Variants in NPHP4 observed in about 807,000 individuals in gnomAD.
NPHP4 encodes the protein nephrocystin-4.
NPHP4 carries 151 observed loss-of-function variants against 155.8 expected under a neutral mutation model. The observed-to-expected ratio is 0.97, with a 90% CI of 0.85 to 1.11. NPHP4 has a LOEUF of 1.11. Among genes scored for constraint, NPHP4 ranks in the 50% least tolerant of loss-of-function variants. The pLI is 0.00. For synonymous variants in NPHP4, 845 were observed against 816.8 expected, an observed-to-expected ratio of 1.03 and a Z score of -0.59; for missense variants, 1,956 against 1,925.7, an observed-to-expected ratio of 1.02 and a Z score of -0.29.
chr1:5,921,317 C>T (rs2101586616), intron 11 of NPHP4, among the ~76,000 whole-genome samples: 1 of 152,352 alleles, frequency 6.6e-6, no homozygotes, highest in Middle Eastern at 3.4e-3. Flanking sequence ...CCGCCCATGT[C>T]TCCTTATACA....
chr1:5,875,208 A>G, intron 20 of NPHP4, 108 bp from the exon 21 acceptor site: 1 of 866,228 alleles, frequency 1.2e-6, no homozygotes, highest in Non-Finnish European at 1.8e-6. Context: ...ACATTTCTCC[A>G]CAAGCATCGC....
intron 1 of NPHP4, among the ~76,000 whole-genome samples, chr1:5,986,676 G>T (rs550496715): frequency 6.6e-6 from 1 of 152,098 alleles, no homozygotes; most frequent in South Asian, 2.1e-4. Context: ...TGTCAACTTT[G>T]AACTATGCGA....
chr1:5,887,610 C>T (rs931021232), intron 17 of NPHP4, 144 bp from the exon 18 acceptor site: 3 of 792,444 alleles, frequency 3.8e-6, no homozygotes, highest in Admixed American at 2.8e-5. Context: ...CCCTGCACCA[C>T]GCTGGGGGGT....
chr1:5,876,278 A>G (rs1642597016), intron 20 of NPHP4: 1 of 152,232 alleles, frequency 6.6e-6, no homozygotes, highest in Admixed American at 6.6e-5. Flanking sequence ...GAGGCCTGGG[A>G]GGAGGCCCCA....
rs1399214119 is a variant in NPHP4, at chr1:5,907,210, G to A, written c.1516C>T (p.Gln506Ter). 6.3e-7 allele frequency: 1 copy of A among 1,578,658 alleles called. No individual in the cohort carries two copies. Among genetic ancestry groups the A allele is most frequent in the Non-Finnish European group, 8.6e-7 (1 of 1,161,394 alleles). ...SPVGPGLSISQLAASPRSPTQ... is the reference protein window; with the variant it reads ...SPVGPGLSIS ...GGGGACCGCGGGGAGGCCGCCAGCT[G>A]GGAAATTGACAACTGGAAGGAAAGA... The change falls in exon 13 of 30, where the codon CAG (glutamine) becomes TAG (stop). Residue 506 changes from glutamine (Q) to a stop codon, truncating the protein, a stop_gained. Transcript: ENST00000378156. LOFTEE classifies it high-confidence loss of function.
rs1329176210 is a variant in NPHP4 at position 5,909,136 on chromosome 1, G to A, written c.1503+16C>T. On this transcript the variant is annotated intron_variant, in intron 12 of 29. Transcript: ENST00000378156. The stretch of plus-strand genomic sequence containing the variant: ...CTCTGGAATTCTGAAGGAGGCCGTG[G>A]GGGGCCTGGACTTACCCCTGGTCCC... 1.9e-6 allele frequency: 3 copies of A among 1,582,776 alleles called. No homozygotes were observed. Among genetic ancestry groups the A allele is most frequent in the Non-Finnish European group, 2.6e-6 (3 of 1,161,644 alleles).
intron 11 of NPHP4, among the ~76,000 whole-genome samples, chr1:5,920,269 C>T (rs1645676066): frequency 6.6e-6 from 1 of 152,144 alleles, no homozygotes; most frequent in African/African-American, 2.4e-5. Flanking sequence ...CTATGTTACC[C>T]AGGCTGATCT....
At chr1:5,948,022 G>A (rs755888879) in intron 8 of NPHP4, 48 bp downstream of exon 8, 1 of 1,433,810 alleles carries the variant, frequency 7.0e-7, no homozygotes, top group Non-Finnish European at 9.8e-7. Flanking sequence ...ATTTCATCGT[G>A]ATCCCTTGCA....
Position 5,909,201 on chromosome 1 carries a change from G to C in NPHP4, c.1454C>G (p.Pro485Arg). 1 of 1,602,986 alleles carries C rather than the reference G, an allele frequency of 6.2e-7. No individual in the cohort carries two copies. Among genetic ancestry groups the C allele is most frequent in the Non-Finnish European group, 8.5e-7 (1 of 1,175,178 alleles). ...CGGGGCAGCGAGAACTCGAGGTACT[G>C]GCGCTGGCGGGCCTGGGAGGAAGCA... ...PPTSPSSPPA[P>R]VPRVLAAPQN... Residue 485 changes from proline (P) to arginine (R), a missense_variant, in exon 12 of 30, where the codon CCA becomes CGA. Coordinates refer to ENST00000378156, the MANE Select transcript of NPHP4 (RefSeq NM_015102.5).
chr1:5,900,760 G>A (rs1406682718), intron 16 of NPHP4, among the ~76,000 whole-genome samples: 1 of 152,012 alleles, frequency 6.6e-6, no homozygotes, highest in Non-Finnish European at 1.5e-5. Flanking sequence ...TTGTTACATG[G>A]TGGCTCACGC....
In NPHP4 at chr1:5,933,165, G is replaced by T. The variant is rs371364599; in HGVS notation, c.1284C>A (p.Ala428=). Residue 428 remains alanine, a synonymous_variant, in exon 10 of 30, where the codon GCC becomes GCA. Transcript: ENST00000378156. ...SHCLVYKVPS[A]SMSSEEVKQV... is the part of the protein sequence containing the mutation. ...AATTTACCTCTTCAGAGCTCATGCT[G>T]GCTGAGGGTACCTTGTAGACCAGAC... The T allele has an allele frequency of 1.3e-6, 2 of 1,595,376 alleles. No homozygotes were observed. The highest frequency in any genetic ancestry group is 2.2e-5 in the South Asian group (2 of 89,622).
intron 23 of NPHP4, among the ~76,000 whole-genome samples, chr1:5,870,022 C>T (rs924028037): frequency 2.6e-5 from 4 of 152,194 alleles, no homozygotes; most frequent in African/African-American, 9.7e-5. Flanking sequence ...TGTATCTGCA[C>T]CCACAGGCAT....
At chr1:5,946,963 A>T (rs1036811270) in intron 9 of NPHP4, 141 bp downstream of exon 9, 3 of 902,898 alleles carry the variant, frequency 3.3e-6, no homozygotes, top group Non-Finnish European at 5.2e-6. Context: ...CAGCTGATAA[A>T]TGTCAGTAAA....
chr1:5,953,395 C>T (rs1364985374), intron 6 of NPHP4, among the ~76,000 whole-genome samples: 1 of 152,198 alleles, frequency 6.6e-6, no homozygotes, highest in Non-Finnish European at 1.5e-5. Context: ...TGAGCCACCA[C>T]ACCTGGCCCA....
chr1:5,981,784 A>C (rs929852021), intron 2 of NPHP4, among the ~76,000 whole-genome samples: 13 of 152,234 alleles, frequency 8.5e-5, no homozygotes, highest in African/African-American at 3.1e-4. Flanking sequence ...TCCTGCAGTA[A>C]GCCCCACTTG....
At chr1:5,914,256 A>AC (rs1467461014) in intron 11 of NPHP4, among the ~76,000 whole-genome samples, 4 of 125,014 alleles carry the variant, frequency 3.2e-5, no homozygotes, top group African/African-American at 1.2e-4. Flanking sequence ...TCTTATCTAT[A>AC]CAAAAAAAAA....
chr1:5,925,863 C>T (rs1645977208), intron 11 of NPHP4, among the ~76,000 whole-genome samples: 2 of 152,230 alleles, frequency 1.3e-5, no homozygotes, highest in South Asian at 2.1e-4. Context: ...GATCCACCTG[C>T]CTCGGCCTCC....
chr1:5,899,268 C>T (rs530090114), intron 16 of NPHP4, among the ~76,000 whole-genome samples: 26 of 152,316 alleles, frequency 1.7e-4, no homozygotes, highest in African/African-American at 5.8e-4. Flanking sequence ...CCCATTCCAA[C>T]GCCTGTTTGA....
At chr1:5,897,164 G>A (rs1461209449) in intron 16 of NPHP4, among the ~76,000 whole-genome samples, 1 of 152,146 alleles carries the variant, frequency 6.6e-6, no homozygotes, top group African/African-American at 2.4e-5. Context: ...TAAAGGCAGA[G>A]CAGACCAAAT....
Sources: gnomAD v4.1 joint callset for allele counts (sites outside exome capture counted in the v4.1 genomes callset) on GRCh38, gnomAD v4.1.1 for gene constraint, MANE v1.5 for transcripts, NCBI Gene and HGNC (gene_info 2026-07-23, HGNC 2026-07-21) for gene names.